Variants in CSMD1 observed in about 807,000 individuals in gnomAD.
The protein encoded by CSMD1 is CUB and sushi domain-containing protein 1.
In CSMD1, 213 loss-of-function variants were observed where a neutral mutation model predicts 417.5. The observed-to-expected ratio is 0.51, with a 90% CI of 0.46 to 0.57. The LOEUF (loss-of-function observed/expected upper bound fraction) is 0.57, where lower values mean the gene tolerates loss of function less well. Ranked by LOEUF, CSMD1 falls within the 20% of genes least tolerant of loss-of-function variation. The pLI, the probability that CSMD1 is intolerant of heterozygous loss-of-function variation, is 0.00. For synonymous variants in CSMD1, 2,862 were observed against 1,736.8 expected (o/e 1.65, Z -16.11); for missense variants, 6,923 against 4,529.7 (o/e 1.53, Z -15.17).
chr8:4,010,455 C>G (rs549055799), intron 4 of CSMD1, among the ~76,000 whole-genome samples: 58 of 152,142 alleles, frequency 3.8e-4, no homozygotes, highest in Non-Finnish European at 7.8e-4. Flanking sequence ...CTGGGAAAAA[C>G]ATAACCTCTT....
At chr8:4,457,825 C>A (rs2129910942) in intron 2 of CSMD1, among the ~76,000 whole-genome samples, 1 of 152,236 alleles carries the variant, frequency 6.6e-6, no homozygotes, top group Admixed American at 6.5e-5. Flanking sequence ...AGCACCCTTG[C>A]AGACAGCTTT....
chr8:4,191,907 A>C (rs762252027), intron 3 of CSMD1, among the ~76,000 whole-genome samples: 1 of 152,214 alleles, frequency 6.6e-6, no homozygotes, highest in Non-Finnish European at 1.5e-5. Context: ...ATGAGGAAAG[A>C]AAGTGAGCAT....
In CSMD1 at chr8:4,905,689, G is replaced by A. The variant is rs548050273; in HGVS notation, c.85+88643C>T. 3.9e-4 allele frequency among the ~76,000 whole-genome samples: 59 copies of A among 151,646 alleles called. 1 individual carries two copies. Among genetic ancestry groups the A allele is most frequent in the South Asian group, 1.9e-3 (9 of 4,792 alleles). On this transcript the variant is annotated intron_variant, in intron 1 of 69. Transcript: ENST00000635120. Reference sequence around the variant, plus strand: ...AAAAAAATTAGCCGGGCGTGGTGGCGGGCGCCTGTAGTCCCAGCTCCTCGG... The same window carrying A: ...AAAAAAATTAGCCGGGCGTGGTGGCAGGCGCCTGTAGTCCCAGCTCCTCGG...
intron 4 of CSMD1, among the ~76,000 whole-genome samples, chr8:4,030,239 C>A (rs75240153): frequency 1.3e-5 from 2 of 152,052 alleles, no homozygotes; most frequent in Non-Finnish European, 2.9e-5. Context: ...TGGGGGAGCT[C>A]TGACCCCACA....
intron 1 of CSMD1, among the ~76,000 whole-genome samples, chr8:4,991,067 G>C (rs576732759): frequency 6.6e-6 from 1 of 152,138 alleles, no homozygotes; most frequent in Non-Finnish European, 1.5e-5. Flanking sequence ...TTCTGGGTAA[G>C]TAATTGTCTG....
intron 5 of CSMD1, among the ~76,000 whole-genome samples, chr8:3,907,985 T>C (rs1440600069): frequency 6.6e-6 from 1 of 152,124 alleles, no homozygotes; most frequent in Non-Finnish European, 1.5e-5. Context: ...GGGCCAGAAA[T>C]GTGCTCTGAT....
intron 7 of CSMD1, among the ~76,000 whole-genome samples, chr8:3,653,144 T>C (rs1411436788): frequency 1.3e-5 from 2 of 151,928 alleles, no homozygotes; most frequent in African/African-American, 2.4e-5. Context: ...TAAATTCAAA[T>C]TTTTTCAAGT....
intron 8 of CSMD1, 98 bp downstream of exon 8, chr8:3,616,612 T>A (rs1468867857): frequency 1.3e-6 from 1 of 758,418 alleles, no homozygotes; most frequent in Admixed American, 2.4e-5. Context: ...GTTTTATCTT[T>A]ACCTCAAAAG....
intron 26 of CSMD1, among the ~76,000 whole-genome samples, chr8:3,275,582 C>T (rs1286562636): frequency 2.0e-5 from 3 of 152,270 alleles, no homozygotes; most frequent in Non-Finnish European, 2.9e-5. Context: ...GACGTAGATT[C>T]AGTCTTTTCA....
chr8:3,541,110 C>G (rs1267208420), intron 10 of CSMD1, among the ~76,000 whole-genome samples: 1 of 152,128 alleles, frequency 6.6e-6, no homozygotes, highest in Non-Finnish European at 1.5e-5. Context: ...TTCACAACAG[C>G]AAAGACATGG....
chr8:3,669,040 C>G (rs947475921), intron 7 of CSMD1, among the ~76,000 whole-genome samples: 3 of 152,076 alleles, frequency 2.0e-5, no homozygotes, highest in African/African-American at 7.2e-5. Context: ...TAGAGTTTAC[C>G]TTAACCTGTC....
At chr8:4,785,809 C>T (rs954909021) in intron 1 of CSMD1, among the ~76,000 whole-genome samples, 4 of 152,090 alleles carry the variant, frequency 2.6e-5, no homozygotes, top group African/African-American at 4.8e-5. Context: ...TGCCCAGACT[C>T]GTTAAATGGT....
rs549341237 is a variant in CSMD1 at position 4,450,793 on chromosome 8, G to C, written c.303-30728C>G. On this transcript the variant is annotated intron_variant, in intron 2 of 69. Transcript: ENST00000635120. ...AAAGCAAGTATTGTATTTTCATTTT[G>C]CTTTCATTTACGAGAGGCATAAACA... Among the ~76,000 whole-genome samples the C allele has an allele frequency of 2.6e-5, 4 of 152,244 alleles. No individual in the cohort carries two copies. The East Asian group carries it at 5.8e-4, about 22-fold the overall frequency.
At chr8:2,945,667 C>T (rs1008210741) in intron 68 of CSMD1, among the ~76,000 whole-genome samples, 3 of 152,144 alleles carry the variant, frequency 2.0e-5, no homozygotes, top group African/African-American at 7.2e-5. Context: ...ATGGACAGCT[C>T]TGTGCGATCC....
rs549973707 is a variant in CSMD1 at position 4,799,968 on chromosome 8, C to T, written c.86-162410G>A. Among the ~76,000 whole-genome samples the T allele has an allele frequency of 3.3e-5, 5 of 151,428 alleles. No homozygotes were observed. In the South Asian group the frequency reaches 1.0e-3, roughly 32 times the overall value. ...CTCGAACATGCAGACTACACTGATGCTTCTCATTTTTTCTAACATAAGAAA... is the reference window on the plus strand; with the variant it reads ...CTCGAACATGCAGACTACACTGATGTTTCTCATTTTTTCTAACATAAGAAA... On this transcript the variant is annotated intron_variant, in intron 1 of 69. Coordinates refer to ENST00000635120, the MANE Select transcript of CSMD1 (RefSeq NM_033225.6).
intron 2 of CSMD1, among the ~76,000 whole-genome samples, chr8:4,491,433 T>G (rs1801695245): frequency 6.6e-6 from 1 of 152,068 alleles, no homozygotes; most frequent in Admixed American, 6.5e-5. Context: ...TGTGATAAGG[T>G]CAGCAAAACT....
chr8:4,587,095 T>C (rs945105124), intron 2 of CSMD1, among the ~76,000 whole-genome samples: 1 of 152,180 alleles, frequency 6.6e-6, no homozygotes, highest in African/African-American at 2.4e-5. Flanking sequence ...TATATGACAA[T>C]ATCCTACAGA....
chr8:4,555,508 T>C (rs1483378385), intron 2 of CSMD1, among the ~76,000 whole-genome samples: 2 of 152,156 alleles, frequency 1.3e-5, no homozygotes. Context: ...CCTGGCCACT[T>C]GGTTTTCTAC....
chr8:3,089,261 G>A (rs145094580), intron 48 of CSMD1, among the ~76,000 whole-genome samples: 8 of 152,298 alleles, frequency 5.3e-5, no homozygotes, highest in African/African-American at 1.9e-4. Context: ...GAGAAGACTG[G>A]GACAGGTGGA....
Sources: allele counts gnomAD v4.1 joint callset (sites outside exome capture counted in the v4.1 genomes callset), GRCh38; gene constraint gnomAD v4.1.1; transcripts MANE v1.5; gene names NCBI Gene and HGNC (gene_info 2026-07-23, HGNC 2026-07-21).